SUGCT: variants seen among roughly 807,000 people sequenced by gnomAD.
The protein encoded by SUGCT is succinyl-CoA:glutarate-CoA transferase, also known as succinyl-CoA:glutarate CoA-transferase.
SUGCT carries 41 observed loss-of-function variants against 55.0 expected under a neutral mutation model. The observed-to-expected ratio is 0.74, with a 90% CI of 0.58 to 0.97. The LOEUF (loss-of-function observed/expected upper bound fraction) is 0.97. Among genes scored for constraint, SUGCT ranks in the 50% least tolerant of loss-of-function variants. The probability of loss-of-function intolerance (pLI) is 0.00; values close to 1 mark genes in which losing one functional copy is unlikely to be tolerated. For missense variants in SUGCT, 568 were observed against 547.8 expected, an observed-to-expected ratio of 1.04 and a Z score of -0.37; for synonymous variants, 187 against 200.4, an observed-to-expected ratio of 0.93 and a Z score of 0.56.
intron 8 of SUGCT, among the ~76,000 whole-genome samples, chr7:40,288,548 C>T (rs998932614): frequency 1.3e-5 from 2 of 151,718 alleles, no homozygotes; most frequent in Non-Finnish European, 2.9e-5. Context: ...CCAGAGTTTT[C>T]AAAAATTTGA....
the SUGCT span, among the ~76,000 whole-genome samples, chr7:40,978,022 C>T: frequency 1.3e-5 from 2 of 152,120 alleles, no homozygotes; most frequent in Non-Finnish European, 2.9e-5. Context: ...CTGTAACCCC[C>T]TTGAGTTATT....
intron 3 of SUGCT, 64 bp downstream of exon 3, chr7:40,182,092 A>G: frequency 1.1e-6 from 1 of 948,710 alleles, no homozygotes; most frequent in Non-Finnish European, 1.6e-6. Flanking sequence ...ATAATTCTCT[A>G]AATACCCATG....
intron 9 of SUGCT, among the ~76,000 whole-genome samples, chr7:40,441,834 C>T (rs1240502198): frequency 6.6e-6 from 1 of 152,002 alleles, no homozygotes; most frequent in African/African-American, 2.4e-5. Flanking sequence ...AGTAATTTGG[C>T]AGGCTGAGGG....
intron 12 of SUGCT, among the ~76,000 whole-genome samples, chr7:40,500,814 A>C (rs993959112): frequency 2.0e-5 from 3 of 152,048 alleles, no homozygotes; most frequent in Admixed American, 6.6e-5. Context: ...AAACTTCAGA[A>C]GCACCCCCAA....
chr7:40,226,739 G>A (rs1464110981), intron 6 of SUGCT, among the ~76,000 whole-genome samples: 2 of 151,696 alleles, frequency 1.3e-5, no homozygotes, highest in Non-Finnish European at 1.5e-5. Flanking sequence ...AAGAATTTTT[G>A]CCCCAGACCC....
chr7:40,205,879 A>T lies in SUGCT; in HGVS notation c.484+10819A>T, dbSNP rs892721627. ...TTTCTACATATTCTAAAATTCCAGA[A>T]GCAAAGAGATCGCCTGGGCCTAGAA... On this transcript the variant is annotated intron_variant, in intron 6 of 13. Coordinates refer to ENST00000335693, the MANE Select transcript of SUGCT (RefSeq NM_001193313.2). 1.1e-4 allele frequency among the ~76,000 whole-genome samples: 17 copies of T among 152,276 alleles called. No homozygotes were observed. The South Asian group carries it at 3.5e-3, about 32-fold the overall frequency.
chr7:40,801,949 A>G (rs1010750618), intron 13 of SUGCT, among the ~76,000 whole-genome samples: 1 of 152,078 alleles, frequency 6.6e-6, no homozygotes, highest in Admixed American at 6.6e-5. Context: ...CTAGTCTTAC[A>G]TTCTCTTCTA....
intron 6 of SUGCT, among the ~76,000 whole-genome samples, chr7:40,211,131 G>A (rs1584353209): frequency 6.6e-6 from 1 of 151,766 alleles, no homozygotes; most frequent in Non-Finnish European, 1.5e-5. Context: ...CCTGCCACCA[G>A]CCGAGCTAAT....
At chr7:40,935,273 A>G in the SUGCT span, among the ~76,000 whole-genome samples, 2 of 152,186 alleles carry the variant, frequency 1.3e-5, no homozygotes, top group South Asian at 4.1e-4. Flanking sequence ...CATAAAAATC[A>G]CCCTTTGATA....
chr7:40,943,248 C>T, the SUGCT span, among the ~76,000 whole-genome samples: 284 of 150,886 alleles, frequency 1.9e-3, 1 homozygote, highest in African/African-American at 6.7e-3. Context: ...TCCTTCCCCC[C>T]CTTGAAGATG....
At chr7:40,907,724 A>T in the SUGCT span, among the ~76,000 whole-genome samples, 1 of 152,294 alleles carries the variant, frequency 6.6e-6, no homozygotes, top group African/African-American at 2.4e-5. Flanking sequence ...CACTCTGTTA[A>T]TTCTGGAGGG....
intron 1 of SUGCT, among the ~76,000 whole-genome samples, chr7:40,136,120 C>CT (rs1787679727): frequency 6.6e-6 from 1 of 151,436 alleles, no homozygotes; most frequent in Non-Finnish European, 1.5e-5. Context: ...CCTCAGCTTT[C>CT]TAGAGTAGCC....
intron 8 of SUGCT, among the ~76,000 whole-genome samples, chr7:40,289,141 A>G (rs1290386957): frequency 6.6e-6 from 1 of 152,198 alleles, no homozygotes; most frequent in Non-Finnish European, 1.5e-5. Context: ...GGTAAAGGGA[A>G]CATCATAGAT....
At chr7:40,172,499 G>C (rs1242833777) in intron 1 of SUGCT, among the ~76,000 whole-genome samples, 1 of 152,162 alleles carries the variant, frequency 6.6e-6, no homozygotes, top group African/African-American at 2.4e-5. Context: ...GGAAGTGAAA[G>C]TCTGAAGCAT....
chr7:40,860,584 T>G lies in SUGCT; in HGVS notation c.*105T>G. The G allele has an allele frequency of 8.2e-7, 1 of 1,214,794 alleles. No individual in the cohort carries two copies. Among genetic ancestry groups the G allele is most frequent in the South Asian group, 2.0e-5 (1 of 51,188 alleles). 75.3% of individuals were successfully genotyped at this position (1,214,794 alleles called of 1,614,324 possible). ...AGTTCTGATACCACTAAAAAGAAGATTTAGAGTAACTCCAGATTTCTTACA... is the reference window on the plus strand; with the variant it reads ...AGTTCTGATACCACTAAAAAGAAGAGTTAGAGTAACTCCAGATTTCTTACA... On this transcript the variant is annotated 3_prime_UTR_variant, in exon 14 of 14. Coordinates refer to ENST00000335693, the MANE Select transcript of SUGCT (RefSeq NM_001193313.2).
the SUGCT span, among the ~76,000 whole-genome samples, chr7:40,992,104 T>C: frequency 6.6e-6 from 1 of 152,110 alleles, no homozygotes; most frequent in African/African-American, 2.4e-5. Flanking sequence ...GGGCTACTGG[T>C]TGGCTATGTT....
chr7:40,176,661 A>C (rs773080083), intron 1 of SUGCT, among the ~76,000 whole-genome samples: 12 of 151,248 alleles, frequency 7.9e-5, no homozygotes, highest in Non-Finnish European at 1.5e-4. Context: ...TTTTTAAGGC[A>C]CTATCGGTAG....
chr7:40,741,080 A>G (rs1028547485), intron 12 of SUGCT, among the ~76,000 whole-genome samples: 1 of 151,998 alleles, frequency 6.6e-6, no homozygotes, highest in African/African-American at 2.4e-5. Flanking sequence ...GGAGTTCAAG[A>G]CTGTCAGATA....
At chr7:40,242,933 A>ATATATATATATATATATGTATATTTTTTT (rs1270335224) in intron 7 of SUGCT, among the ~76,000 whole-genome samples, 1 of 17,204 alleles carries the variant, frequency 5.8e-5, no homozygotes, top group African/African-American at 1.5e-4. Flanking sequence ...ATATATATAT[A>ATATATATATATATATATGTATATTTTTTT]TTTTTTTTTT....
Sources: allele counts gnomAD v4.1 joint callset (sites outside exome capture counted in the v4.1 genomes callset), GRCh38; gene constraint gnomAD v4.1.1; transcripts MANE v1.5; gene names NCBI Gene and HGNC (gene_info 2026-07-23, HGNC 2026-07-21).